Variants in UBE2V2 observed in about 807,000 individuals in gnomAD.
The protein encoded by UBE2V2 is ubiquitin conjugating enzyme E2 V2, also known as ubiquitin-conjugating enzyme E2 variant 2.
UBE2V2 carries 9 observed loss-of-function variants against 17.2 expected under a neutral mutation model. The ratio of observed to expected loss-of-function variants is 0.52; its 90% CI spans 0.32 to 0.91. The LOEUF (loss-of-function observed/expected upper bound fraction) is 0.91. Among genes scored for constraint, UBE2V2 ranks in the 40% least tolerant of loss-of-function variants. The pLI is 0.04. For synonymous variants in UBE2V2, 61 were observed against 57.5 expected (o/e 1.06, Z -0.28); for missense variants, 133 against 182.6 (o/e 0.73, Z 1.56).
intron 1 of UBE2V2, among the ~76,000 whole-genome samples, chr8:48,029,717 A>C (rs1243827519): frequency 1.3e-5 from 2 of 152,216 alleles, no homozygotes; most frequent in Non-Finnish European, 2.9e-5. Flanking sequence ...AACAGTACTG[A>C]TGTAAATGGT....
At position 48,064,681 on chromosome 8, in the gene UBE2V2, T is replaced by G. The variant is rs887264761; in HGVS notation, c.*3853T>G. 1 of 152,092 alleles carries G rather than the reference T, an allele frequency of 6.6e-6. No individual in the cohort carries two copies. Among genetic ancestry groups the G allele is most frequent in the African/African-American group, 2.4e-5 (1 of 41,426 alleles). The allele number at this position is 152,092 out of a possible 1,614,324, so 9.4% of individuals were successfully genotyped here. On this transcript the variant is annotated 3_prime_UTR_variant, in exon 4 of 4. Coordinates refer to ENST00000523111, the MANE Select transcript of UBE2V2 (RefSeq NM_003350.3). ...AAGTGACAAGTTAAAGTCCATTTTG[T>G]TTCAATAAAGGAGTTGTGCAAACTC...
chr8:48,027,861 T>G (rs1433771432), intron 1 of UBE2V2, among the ~76,000 whole-genome samples: 1 of 152,210 alleles, frequency 6.6e-6, no homozygotes, highest in Admixed American at 6.6e-5. Flanking sequence ...TTATTCATTT[T>G]TTTTTTGTTT....
chr8:48,001,819 G>A, the UBE2V2 span, among the ~76,000 whole-genome samples: 1 of 152,194 alleles, frequency 6.6e-6, no homozygotes, highest in East Asian at 1.9e-4. Context: ...GCTCAGCACA[G>A]TGGCTCATGC....
rs567537012 is a variant in UBE2V2, at chr8:48,041,085, C to T, written c.17-1948C>T. ...TTCACCGTGTTAGCCAGGATGGTCT[C>T]GATCTCCTGACCTCGTGATCTGCCC... On this transcript the variant is annotated intron_variant, in intron 1 of 3. Transcript: ENST00000523111. Among the ~76,000 whole-genome samples the T allele has an allele frequency of 1.2e-4, 18 of 151,116 alleles. No individual in the cohort carries two copies. The South Asian group carries it at 3.3e-3, about 28-fold the overall frequency.
At chr8:48,000,049 A>G in the UBE2V2 span, among the ~76,000 whole-genome samples, 3 of 152,242 alleles carry the variant, frequency 2.0e-5, no homozygotes, top group Admixed American at 6.5e-5. Flanking sequence ...ATCTTTAACT[A>G]CCAGGCCCAG....
At chr8:48,060,555 G>A (rs1327572300) in intron 3 of UBE2V2, 127 bp from the exon 4 acceptor site, 4 of 758,616 alleles carry the variant, frequency 5.3e-6, no homozygotes, top group Non-Finnish European at 7.6e-6. Flanking sequence ...ATTCCATAGT[G>A]TATGTTTTGT....
chr8:48,006,460 C>T (rs2154506449), upstream of UBE2V2, among the ~76,000 whole-genome samples: 3 of 152,168 alleles, frequency 2.0e-5, no homozygotes, highest in South Asian at 6.2e-4. Context: ...GTGATGCCTC[C>T]AGCTTTGTTC....
upstream of UBE2V2, among the ~76,000 whole-genome samples, chr8:48,007,588 A>G (rs1385916726): frequency 1.0e-5 from 1 of 99,060 alleles, no homozygotes; most frequent in Non-Finnish European, 1.8e-5. Context: ...TTTTTTTTTC[A>G]GTTTTATGTA....
At chr8:48,019,591 C>T (rs1237102666) in intron 1 of UBE2V2, among the ~76,000 whole-genome samples, 5 of 150,900 alleles carry the variant, frequency 3.3e-5, no homozygotes, top group African/African-American at 9.8e-5. Context: ...CTGAGGCTGG[C>T]GGATCATGAG....
rs929399659 is a variant in UBE2V2, at chr8:48,062,474, TC to T, written c.*1649del. On this transcript the variant is annotated 3_prime_UTR_variant, in exon 4 of 4. Transcript: ENST00000523111. ...CAGGTGTGGTGGTGGGTACTTGTAG[TC>T]CCAGCTACTCGGGAGGCTGGGCAGG... 1 of 151,342 alleles carries T rather than the reference TC, an allele frequency of 6.6e-6. No homozygotes were observed. Among genetic ancestry groups the T allele is most frequent in the African/African-American group, 2.4e-5 (1 of 41,142 alleles). 9.4% of individuals were successfully genotyped at this position (151,342 alleles called of 1,614,324 possible).
rs1268645163 is a variant in UBE2V2, at chr8:48,063,337, G to C, written c.*2509G>C. The C allele has an allele frequency of 6.6e-6, 1 of 152,252 alleles. No individual in the cohort carries two copies. The highest frequency in any genetic ancestry group is 1.5e-5 in the Non-Finnish European group (1 of 68,040). The allele number at this position is 152,252 out of a possible 1,614,324, so 9.4% of individuals were successfully genotyped here. On this transcript the variant is annotated 3_prime_UTR_variant, in exon 4 of 4. Transcript: ENST00000523111. ...TCTAAGACACACTGGGAGACTGTAA[G>C]AGGAATTAATATAGAAAAGCTCTTA...
intron 2 of UBE2V2, among the ~76,000 whole-genome samples, chr8:48,047,842 C>T (rs1185052384): frequency 6.6e-6 from 1 of 152,150 alleles, no homozygotes; most frequent in Non-Finnish European, 1.5e-5. Context: ...AGCCACCACA[C>T]CCAGCCTGTT....
At chr8:48,032,783 T>C (rs1245500672) in intron 1 of UBE2V2, among the ~76,000 whole-genome samples, 1 of 152,066 alleles carries the variant, frequency 6.6e-6, no homozygotes, top group African/African-American at 2.4e-5. Context: ...TTGATGTCAA[T>C]AATTGTGTAT....
chr8:48,012,884 C>T (rs1041072954), intron 1 of UBE2V2, among the ~76,000 whole-genome samples: 1 of 152,004 alleles, frequency 6.6e-6, no homozygotes, highest in East Asian at 1.9e-4. Flanking sequence ...CTTGCTCTGT[C>T]GCCCAGGCTA....
At chr8:48,000,185 T>C in the UBE2V2 span, among the ~76,000 whole-genome samples, 1 of 152,210 alleles carries the variant, frequency 6.6e-6, no homozygotes, top group Non-Finnish European at 1.5e-5. Flanking sequence ...TTAACTAGAA[T>C]TTCTATACGT....
At chr8:47,999,739 T>C in the UBE2V2 span, among the ~76,000 whole-genome samples, 1 of 152,128 alleles carries the variant, frequency 6.6e-6, no homozygotes. Context: ...TGTAGCAGGA[T>C]GAGCCACAGA....
At chr8:48,034,875 T>C (rs2091410694) in intron 1 of UBE2V2, 1 of 193,048 alleles carries the variant, frequency 5.2e-6, no homozygotes, top group Non-Finnish European at 9.5e-6. Flanking sequence ...GAGTCACTCA[T>C]GTGGTTGCAT....
intron 1 of UBE2V2, among the ~76,000 whole-genome samples, chr8:48,039,256 A>G (rs970665493): frequency 6.6e-6 from 1 of 152,176 alleles, no homozygotes; most frequent in African/African-American, 2.4e-5. Flanking sequence ...TTTGCTACAT[A>G]TGTATATATG....
At chr8:48,046,363 C>A (rs2154507827) in intron 2 of UBE2V2, among the ~76,000 whole-genome samples, 1 of 152,262 alleles carries the variant, frequency 6.6e-6, no homozygotes, top group Non-Finnish European at 1.5e-5. Context: ...TGTGATCCAC[C>A]CGCCTCGGCC....
Sources: allele counts gnomAD v4.1 joint callset (sites outside exome capture counted in the v4.1 genomes callset), GRCh38; gene constraint gnomAD v4.1.1; transcripts MANE v1.5; gene names NCBI Gene and HGNC (gene_info 2026-07-23, HGNC 2026-07-21).